Variants in TREML1 observed in about 807,000 individuals in gnomAD.
The protein encoded by TREML1 is triggering receptor expressed on myeloid cells like 1, also known as trem-like transcript 1 protein.
TREML1 carries 27 observed loss-of-function variants against 22.8 expected under a neutral mutation model. The observed-to-expected ratio is 1.19, with a 90% CI of 0.87 to 1.64. The LOEUF (loss-of-function observed/expected upper bound fraction) is 1.64, where lower values mean the gene tolerates loss of function less well. TREML1 is among the 40% of genes most tolerant of loss of function. The pLI is 0.00. For missense variants in TREML1, 356 were observed against 382.0 expected, an observed-to-expected ratio of 0.93 and a Z score of 0.57; for synonymous variants, 153 against 161.9, an observed-to-expected ratio of 0.94 and a Z score of 0.42.
At position 41,154,024 on chromosome 6, in the gene TREML1, T is replaced by C; in HGVS notation, c.110A>G (p.Gln37Arg). 6.2e-7 allele frequency: 1 copy of C among 1,614,152 alleles called. No individual in the cohort carries two copies. Among genetic ancestry groups the C allele is most frequent in the African/African-American group, 1.3e-5 (1 of 75,068 alleles). The change falls in exon 2 of 6, where the codon CAG becomes CGG. Residue 37 changes from glutamine (Q) to arginine (R), a missense_variant. Coordinates refer to ENST00000426005, the MANE Select transcript of TREML1 (RefSeq NM_178174.4). ...GACATCCTGGAGCCTGTAGTGGCAC[T>C]GCACCAGAATGGAGCTTCCCACGGG... Reference protein sequence around the residue: ...QAPVGSSILVQCHYRLQDVKA... With the variant: ...QAPVGSSILVRCHYRLQDVKA...
intron 1 of TREML1, 64 bp downstream of exon 1, chr6:41,154,182 C>T (rs752428605): frequency 3.3e-5 from 53 of 1,593,216 alleles, no homozygotes; most frequent in Non-Finnish European, 4.2e-5. Flanking sequence ...CACAATAACA[C>T]GTTACTCCTG....
chr6:41,150,301 C>T lies in TREML1; in HGVS notation c.581G>A (p.Gly194Asp), dbSNP rs142124442. The T allele has an allele frequency of 5.0e-6, 8 of 1,614,044 alleles. No individual in the cohort carries two copies. Among genetic ancestry groups the T allele is most frequent in the Non-Finnish European group, 6.8e-6 (8 of 1,179,982 alleles). The change falls in exon 5 of 6, where the codon GGT (glycine) becomes GAT (aspartate). Residue 194 changes from glycine to aspartate, a missense_variant. Transcript: ENST00000426005. ...MAKRKQGNRL[G>D]VCGRFLSSRV... is the part of the protein sequence containing the mutation. The stretch of plus-strand genomic sequence containing the variant: ...GCTGCTCAGGAATCGGCCACAGACA[C>T]CAAGCCTGTTCCCTGGCAGGACAGA...
At chr6:41,151,235 C>G (rs1198331442) in intron 3 of TREML1, 47 bp downstream of exon 3, 1 of 1,521,942 alleles carries the variant, frequency 6.6e-7, no homozygotes, top group Non-Finnish European at 9.1e-7. Context: ...GTCATTGTCT[C>G]CACCACCACC....
At position 41,151,646 on chromosome 6, in the gene TREML1, CA is replaced by C. The variant is rs1468833083; in HGVS notation, c.377-263del. ...TTTTCCCTCTACCACCAGCTCCCCCCATCTTCCTGCTGCATTTCTTCCCTTT... is the reference window on the plus strand; with the variant it reads ...TTTTCCCTCTACCACCAGCTCCCCCCTCTTCCTGCTGCATTTCTTCCCTTT... On this transcript the variant is annotated intron_variant, in intron 2 of 5. Coordinates refer to ENST00000426005, the MANE Select transcript of TREML1 (RefSeq NM_178174.4). The C allele has an allele frequency of 2.3e-5, 11 of 483,208 alleles. No homozygotes were observed. In the East Asian group the frequency reaches 4.1e-4, roughly 18 times the overall value. The allele number at this position is 483,208 out of a possible 1,614,324, so 29.9% of individuals were successfully genotyped here.
At position 41,153,982 on chromosome 6, in the gene TREML1, C is replaced by T; in HGVS notation, c.152G>A (p.Trp51Ter). The change falls in exon 2 of 6, where the codon TGG becomes TAG. Residue 51 changes from tryptophan (W) to a stop codon, truncating the protein, a stop_gained. Transcript: ENST00000426005. LOFTEE classifies it high-confidence loss of function. ...GCACCCCTCCGGCAAGAACCGGCAC[C>T]ACACCTTCTGAGCTTTGACATCCTG... ...RLQDVKAQKV[W>*]CRFLPEGCQP... The T allele has an allele frequency of 6.2e-7, 1 of 1,614,186 alleles. No homozygotes were observed. The highest frequency in any genetic ancestry group is 1.6e-4 in the Middle Eastern group (1 of 6,062).
At chr6:41,150,150 C>T in intron 5 of TREML1, 111 bp downstream of exon 5, 1 of 1,267,558 alleles carries the variant, frequency 7.9e-7, no homozygotes, top group Non-Finnish European at 1.1e-6. Context: ...AGGGTTTGGA[C>T]CCCAACTAGG....
chr6:41,151,578 G>T, intron 2 of TREML1, 194 bp from the exon 3 acceptor site: 1 of 583,498 alleles, frequency 1.7e-6, no homozygotes, highest in Non-Finnish European at 3.1e-6. Flanking sequence ...TCAGGAAATG[G>T]CACTGGCTCT....
Position 41,149,780 on chromosome 6 carries a change from A to G in TREML1, c.760T>C (p.Ser254Pro). 1.2e-6 allele frequency: 2 copies of G among 1,614,164 alleles called. No individual in the cohort carries two copies. Among genetic ancestry groups the G allele is most frequent in the Non-Finnish European group, 1.7e-6 (2 of 1,180,018 alleles). The change falls in exon 6 of 6, where the codon TCA (serine) becomes CCA (proline). Residue 254 changes from serine (S) to proline (P), a missense_variant. Coordinates refer to ENST00000426005, the MANE Select transcript of TREML1 (RefSeq NM_178174.4). ...GGAGCTGGGAGTGAAGGTTTTCCTG[A>G]TGGGGAATCAAGAGGTAGGCTGGTG... ...TYTSLPLDSP[S>P]GKPSLPAPSS...
chr6:41,155,375 TTC>T (rs3049085), upstream of TREML1, among the ~76,000 whole-genome samples: 3,967 of 136,564 alleles, frequency 0.029, 147 homozygotes, highest in African/African-American at 0.1. Context: ...GAGTAAACGT[TTC>T]TCTCTCTCTC....
intron 2 of TREML1, chr6:41,151,639 C>T: frequency 4.1e-6 from 2 of 493,046 alleles, no homozygotes. Flanking sequence ...CTACCACCAG[C>T]TCCCCCCATC....
intron 2 of TREML1, 53 bp downstream of exon 2, chr6:41,153,705 C>CG (rs1027172779): frequency 2.0e-6 from 3 of 1,511,680 alleles, no homozygotes; most frequent in East Asian, 2.3e-5. Flanking sequence ...TGGCAATAGG[C>CG]GGGGGTGGGG....
intron 2 of TREML1, 52 bp downstream of exon 2, chr6:41,153,705 CG>C (rs1027172779): frequency 7.3e-6 from 11 of 1,511,560 alleles, no homozygotes; most frequent in East Asian, 2.3e-5. Flanking sequence ...TGGCAATAGG[CG>C]GGGGTGGGGA....
rs1456512900 is a variant in TREML1, at chr6:41,149,870, C to T, written c.670G>A (p.Glu224Lys). 1 of 1,614,088 alleles carries T rather than the reference C, an allele frequency of 6.2e-7. No homozygotes were observed. The highest frequency in any genetic ancestry group is 8.5e-7 in the Non-Finnish European group (1 of 1,180,012). Residue 224 changes from glutamate to lysine, a missense_variant, in exon 6 of 6, where the codon GAA becomes AAA. Glu to Lys is a moderately conservative substitution (Grantham distance 56). Transcript: ENST00000426005. Reference protein sequence around the residue: ...HHVSDSGPAAELPLDVPHIRL... With the variant: ...HHVSDSGPAAKLPLDVPHIRL... ...ATGTGTGGTACATCCAAAGGCAATT[C>T]AGCAGCCGGTCCAGAGTCACTGACG... is the stretch of plus-strand genomic sequence containing the variant.
intron 5 of TREML1, 35 bp from the exon 6 acceptor site, chr6:41,149,953 C>T (rs903872401): frequency 1.1e-5 from 18 of 1,589,654 alleles, no homozygotes; most frequent in Non-Finnish European, 1.5e-5. Flanking sequence ...GAATGCCTCC[C>T]TCTGCCCCAG....
chr6:41,152,392 T>C (rs528323283), intron 2 of TREML1, among the ~76,000 whole-genome samples: 2 of 152,182 alleles, frequency 1.3e-5, no homozygotes, highest in South Asian at 4.1e-4. Flanking sequence ...GGGAGTCTCA[T>C]CTTGTCACAA....
At chr6:41,155,375 T>TCTCTCTCTCTCTCTCTCTC (rs1765393079), upstream of TREML1, among the ~76,000 whole-genome samples, 45 of 136,830 alleles carry the variant, frequency 3.3e-4, no homozygotes, top group African/African-American at 9.8e-4. Flanking sequence ...GAGTAAACGT[T>TCTCTCTCTCTCTCTCTCTC]TCTCTCTCTC....
chr6:41,154,521 G>C (rs1765372488), upstream of TREML1, among the ~76,000 whole-genome samples: 1 of 152,218 alleles, frequency 6.6e-6, no homozygotes, highest in Non-Finnish European at 1.5e-5. Flanking sequence ...AAGAAAGCTA[G>C]AAGCCTGCAG....
chr6:41,154,068 G>A lies in TREML1; in HGVS notation c.66C>T (p.Leu22=). 1.2e-6 allele frequency: 2 copies of A among 1,613,390 alleles called. No individual in the cohort carries two copies. The highest frequency in any genetic ancestry group is 1.7e-5 in the Admixed American group (1 of 59,980). ...GLEGQGIVGS[L]PEVLQAPVGS... ...CCACGGGTGCCTGCAGCACCTCAGG[G>A]AGGCTGCCAACTATGCCCTGACCTG... Residue 22 remains leucine (L), a synonymous_variant, in exon 2 of 6, where the codon CTC becomes CTT. Coordinates refer to ENST00000426005, the MANE Select transcript of TREML1 (RefSeq NM_178174.4).
chr6:41,151,647 A>G (rs1765254424), intron 2 of TREML1: 4 of 479,794 alleles, frequency 8.3e-6, no homozygotes, highest in South Asian at 4.7e-5. Context: ...AGCTCCCCCC[A>G]TCTTCCTGCT....
Sources: gnomAD v4.1 joint callset for allele counts (sites outside exome capture counted in the v4.1 genomes callset) on GRCh38, gnomAD v4.1.1 for gene constraint, MANE v1.5 for transcripts, NCBI Gene and HGNC (gene_info 2026-07-23, HGNC 2026-07-21) for gene names.